Variants in PARP8 observed in about 807,000 individuals in gnomAD.
PARP8 encodes poly(ADP-ribose) polymerase family member 8.
PARP8 carries 51 observed loss-of-function variants against 124.1 expected under a neutral mutation model. The ratio of observed to expected loss-of-function variants is 0.41; its 90% CI spans 0.33 to 0.52. The LOEUF (loss-of-function observed/expected upper bound fraction) is 0.52, where lower values mean the gene tolerates loss of function less well. Ranked by LOEUF, PARP8 falls within the 20% of genes least tolerant of loss-of-function variation. The probability of loss-of-function intolerance (pLI) is 0.21; values close to 1 mark genes in which losing one functional copy is unlikely to be tolerated. For missense variants in PARP8, 860 were observed against 1,018.9 expected, an observed-to-expected ratio of 0.84 and a Z score of 2.12; for synonymous variants, 391 against 361.5, an observed-to-expected ratio of 1.08 and a Z score of -0.93.
intron 7 of PARP8, among the ~76,000 whole-genome samples, chr5:50,773,917 T>C (rs1761890183): frequency 6.6e-6 from 1 of 151,360 alleles, no homozygotes; most frequent in South Asian, 2.1e-4. Context: ...AGGATAATAA[T>C]GGAGAGAAGG....
chr5:50,770,274 A>C (rs1229739773), intron 7 of PARP8, among the ~76,000 whole-genome samples: 1 of 152,132 alleles, frequency 6.6e-6, no homozygotes, highest in African/African-American at 2.4e-5. Flanking sequence ...TTTTCTTAGG[A>C]TTAACTTCTG....
At chr5:50,728,605 A>G (rs953535999) in intron 2 of PARP8, among the ~76,000 whole-genome samples, 4 of 152,130 alleles carry the variant, frequency 2.6e-5, no homozygotes, top group African/African-American at 9.6e-5. Context: ...TGGCACCCAA[A>G]TAAGTCAGTT....
intron 2 of PARP8, among the ~76,000 whole-genome samples, chr5:50,727,176 G>T (rs947386568): frequency 6.6e-6 from 1 of 152,074 alleles, no homozygotes; most frequent in African/African-American, 2.4e-5. Context: ...ACCTATCAGT[G>T]GGCTGTAGTA....
intron 2 of PARP8, among the ~76,000 whole-genome samples, chr5:50,701,214 A>G (rs1386442197): frequency 6.6e-6 from 1 of 152,162 alleles, no homozygotes; most frequent in Admixed American, 6.5e-5. Flanking sequence ...TAAAAGAATG[A>G]TAAAATGGAA....
At chr5:50,791,604 T>C (rs2149641248) in intron 10 of PARP8, among the ~76,000 whole-genome samples, 1 of 152,294 alleles carries the variant, frequency 6.6e-6, no homozygotes, top group Middle Eastern at 3.4e-3. Flanking sequence ...GACACAGATA[T>C]CACAGATATA....
chr5:50,726,591 G>A lies in PARP8; in HGVS notation c.147-23560G>A, dbSNP rs777421869. ...GCCCCATTTAACAAAGTTGTCTTGA[G>A]CACAGCGATGATTGAGGAAATTCCT... On this transcript the variant is annotated intron_variant, in intron 2 of 25. Transcript: ENST00000281631. 2.0e-5 allele frequency among the ~76,000 whole-genome samples: 3 copies of A among 152,182 alleles called. 1 individual carries two copies. The South Asian group carries it at 6.2e-4, about 31-fold the overall frequency.
At chr5:50,768,011 A>ATGTGTGTG (rs371344583) in intron 7 of PARP8, among the ~76,000 whole-genome samples, 3 of 149,946 alleles carry the variant, frequency 2.0e-5, no homozygotes, top group Admixed American at 1.3e-4. Flanking sequence ...ATATACATAT[A>ATGTGTGTG]TGTGTGTGTG....
At chr5:50,734,326 C>T (rs1307633758) in intron 2 of PARP8, among the ~76,000 whole-genome samples, 22 of 152,032 alleles carry the variant, frequency 1.4e-4, no homozygotes, top group Non-Finnish European at 2.2e-4. Context: ...CAGCCCTTTT[C>T]AGAAAAAGAA....
intron 22 of PARP8, among the ~76,000 whole-genome samples, chr5:50,832,454 T>G (rs1747087588): frequency 6.6e-6 from 1 of 152,172 alleles, no homozygotes; most frequent in Non-Finnish European, 1.5e-5. Context: ...ACCCTTTATT[T>G]TCTCCTTCTC....
chr5:50,771,892 A>C (rs2149596263), intron 7 of PARP8, among the ~76,000 whole-genome samples: 1 of 152,260 alleles, frequency 6.6e-6, no homozygotes, highest in Non-Finnish European at 1.5e-5. Context: ...CTTCTGGTTA[A>C]TTTGAAATAT....
chr5:50,754,694 T>C (rs1309159745), intron 3 of PARP8, among the ~76,000 whole-genome samples: 1 of 152,234 alleles, frequency 6.6e-6, no homozygotes, highest in Non-Finnish European at 1.5e-5. Flanking sequence ...TTTGGGTATA[T>C]ACCCAGTAAT....
In PARP8 at chr5:50,795,174, T is replaced by C; in HGVS notation, c.1185T>C (p.Cys395=). The C allele has an allele frequency of 6.2e-7, 1 of 1,614,226 alleles. No individual in the cohort carries two copies. The highest frequency in any genetic ancestry group is 8.5e-7 in the Non-Finnish European group (1 of 1,180,032). ...GATCTTGTTCTGGAGATCCACGATG[T>C]GAGCACAACACAAACTTGAAGCCCC... ...LTRSCSGDPR[C]EHNTNLKPHK... Residue 395 remains cysteine (C), a synonymous_variant, in exon 12 of 26, where the codon TGT becomes TGC. Coordinates refer to ENST00000281631, the MANE Select transcript of PARP8 (RefSeq NM_024615.4).
chr5:50,801,442 C>T (rs1468277205), intron 14 of PARP8, among the ~76,000 whole-genome samples: 1 of 152,062 alleles, frequency 6.6e-6, no homozygotes, highest in African/African-American at 2.4e-5. Context: ...ATAGTTTGTG[C>T]TTTTAGAGGA....
Position 50,842,909 on chromosome 5 carries a change from G to A in PARP8, c.*841G>A, listed in dbSNP as rs1748314669. The A allele has an allele frequency of 6.6e-6, 1 of 151,558 alleles. No homozygotes were observed. The highest frequency in any genetic ancestry group is 1.5e-5 in the Non-Finnish European group (1 of 67,750). The allele number at this position is 151,558 out of a possible 1,614,324, so 9.4% of individuals were successfully genotyped here. A position where few individuals can be genotyped will look rare whatever the true frequency, so the allele number is the denominator to read the frequency against. On this transcript the variant is annotated 3_prime_UTR_variant, in exon 26 of 26. Coordinates refer to ENST00000281631, the MANE Select transcript of PARP8 (RefSeq NM_024615.4). ...AAGTCATAATTTGGGGAACATACAT[G>A]GCCTGGTAGACCGAATCTATATTCA...
intron 6 of PARP8, among the ~76,000 whole-genome samples, chr5:50,762,471 A>G (rs1760645838): frequency 6.6e-6 from 1 of 152,158 alleles, no homozygotes; most frequent in African/African-American, 2.4e-5. Flanking sequence ...AAACTGAGCA[A>G]TTGATTTTAG....
At chr5:50,826,712 T>C in intron 18 of PARP8, 43 bp from the exon 19 acceptor site, 1 of 1,548,490 alleles carries the variant, frequency 6.5e-7, no homozygotes, top group South Asian at 1.3e-5. Flanking sequence ...ACTTTAAATA[T>C]ATTTGGCATG....
intron 2 of PARP8, among the ~76,000 whole-genome samples, chr5:50,740,287 C>T (rs969377836): frequency 1.3e-5 from 2 of 152,074 alleles, no homozygotes; most frequent in African/African-American, 4.8e-5. Context: ...AAAGTTTTTT[C>T]TTAGGAGATG....
At chr5:50,739,345 AT>A (rs982833576) in intron 2 of PARP8, among the ~76,000 whole-genome samples, 7 of 149,668 alleles carry the variant, frequency 4.7e-5, no homozygotes, top group African/African-American at 1.7e-4. Context: ...TTGGATGTCC[AT>A]TACAGATTTA....
chr5:50,792,818 A>G (rs1351471560), intron 10 of PARP8, among the ~76,000 whole-genome samples: 1 of 152,110 alleles, frequency 6.6e-6, no homozygotes, highest in Non-Finnish European at 1.5e-5. Context: ...GGGCCCCAAA[A>G]TAATTGAGTA....
Sources: allele counts gnomAD v4.1 joint callset (sites outside exome capture counted in the v4.1 genomes callset), GRCh38; gene constraint gnomAD v4.1.1; transcripts MANE v1.5; gene names NCBI Gene and HGNC (gene_info 2026-07-23, HGNC 2026-07-21).